PITPNC1: variants seen among roughly 807,000 people sequenced by gnomAD.
PITPNC1 encodes cytoplasmic phosphatidylinositol transfer protein 1.
PITPNC1 carries 18 observed loss-of-function variants against 44.7 expected under a neutral mutation model. The ratio of observed to expected loss-of-function variants is 0.40; its 90% CI spans 0.28 to 0.60. The LOEUF is 0.60. Among genes scored for constraint, PITPNC1 ranks in the 20% least tolerant of loss-of-function variants. The pLI, the probability that PITPNC1 is intolerant of heterozygous loss-of-function variation, is 0.39. For missense variants in PITPNC1, 290 were observed against 418.4 expected, an observed-to-expected ratio of 0.69 and a Z score of 2.68; for synonymous variants, 141 against 149.6, an observed-to-expected ratio of 0.94 and a Z score of 0.42.
intron 2 of PITPNC1, among the ~76,000 whole-genome samples, chr17:67,543,604 A>C (rs1341615502): frequency 6.6e-6 from 1 of 152,028 alleles, no homozygotes; most frequent in East Asian, 1.9e-4. Flanking sequence ...GGCCATTTGT[A>C]TATCTTCTTT....
At chr17:67,467,865 A>G (rs966595092) in intron 1 of PITPNC1, among the ~76,000 whole-genome samples, 2 of 152,246 alleles carry the variant, frequency 1.3e-5, no homozygotes, top group South Asian at 2.1e-4. Context: ...AGAAACTGAC[A>G]TGGTCCCTAA....
chr17:67,500,954 T>A (rs1202713981), intron 1 of PITPNC1, among the ~76,000 whole-genome samples: 1 of 152,006 alleles, frequency 6.6e-6, no homozygotes, highest in Non-Finnish European at 1.5e-5. Flanking sequence ...CCTCCCAAAG[T>A]GCTGGAATTA....
At chr17:67,389,963 G>GC (rs1463382822) in intron 1 of PITPNC1, among the ~76,000 whole-genome samples, 1 of 152,078 alleles carries the variant, frequency 6.6e-6, no homozygotes, top group Non-Finnish European at 1.5e-5. Flanking sequence ...ACAGACGCGA[G>GC]CCACCGTGCC....
chr17:67,686,539 G>A (rs1190188994), intron 8 of PITPNC1, among the ~76,000 whole-genome samples: 1 of 152,076 alleles, frequency 6.6e-6, no homozygotes, highest in Non-Finnish European at 1.5e-5. Flanking sequence ...ATTTACATCT[G>A]TGTGCAAGTT....
At chr17:67,621,641 A>G (rs2041831653) in intron 5 of PITPNC1, among the ~76,000 whole-genome samples, 1 of 152,206 alleles carries the variant, frequency 6.6e-6, no homozygotes, top group African/African-American at 2.4e-5. Context: ...ACATTTTTCC[A>G]AGGCACAGTG....
At chr17:67,524,602 T>G (rs1349929642) in intron 1 of PITPNC1, 1 of 151,908 alleles carries the variant, frequency 6.6e-6, no homozygotes, top group Admixed American at 6.6e-5. Context: ...CCAAATCTAG[T>G]GTGCATTTTA....
In PITPNC1 at chr17:67,692,845, G is replaced by C. The variant is rs1231064383; in HGVS notation, c.956G>C (p.Gly319Ala). The change falls in exon 9 of 9, where the codon GGC (glycine) becomes GCC (alanine). Residue 319 changes from glycine to alanine, a missense_variant. Transcript: ENST00000581322. ...AAAAAAGCCACCCTGAATTTACCCG[G>C]CATGCACTCTTCAGATAAGCCATGT... ...PEKKATLNLP[G>A]MHSSDKPCRP... The C allele has an allele frequency of 1.9e-6, 3 of 1,613,380 alleles. No individual in the cohort carries two copies. The highest frequency in any genetic ancestry group is 2.5e-6 in the Non-Finnish European group (3 of 1,179,488).
intron 8 of PITPNC1, among the ~76,000 whole-genome samples, chr17:67,692,261 G>A (rs1180677797): frequency 2.0e-5 from 3 of 151,992 alleles, no homozygotes; most frequent in African/African-American, 7.3e-5. Flanking sequence ...ACACACACAG[G>A]CACATATTTC....
chr17:67,510,800 G>A (rs2040175519), intron 1 of PITPNC1, among the ~76,000 whole-genome samples: 2 of 151,860 alleles, frequency 1.3e-5, no homozygotes, highest in Admixed American at 1.3e-4. Context: ...CTCTGTTACC[G>A]CCCTTGTGGA....
chr17:67,386,561 GTA>G (rs2038057197), intron 1 of PITPNC1, among the ~76,000 whole-genome samples: 1 of 152,128 alleles, frequency 6.6e-6, no homozygotes, highest in Admixed American at 6.5e-5. Flanking sequence ...GGATGTGTAG[GTA>G]TGAGATGGGG....
intron 1 of PITPNC1, among the ~76,000 whole-genome samples, chr17:67,497,317 C>A (rs1243210218): frequency 6.6e-6 from 1 of 151,532 alleles, no homozygotes. Flanking sequence ...ATTCCCCAGC[C>A]TCAGCCTCCC....
intron 1 of PITPNC1, among the ~76,000 whole-genome samples, chr17:67,416,334 A>G (rs1359810465): frequency 6.7e-6 from 1 of 148,294 alleles, no homozygotes; most frequent in Non-Finnish European, 1.5e-5. Flanking sequence ...TCCTGCTTCA[A>G]CCTCCTGAGT....
intron 1 of PITPNC1, among the ~76,000 whole-genome samples, chr17:67,393,526 A>G (rs953128644): frequency 6.6e-6 from 1 of 152,168 alleles, no homozygotes; most frequent in African/African-American, 2.4e-5. Context: ...CCCTCTGTCA[A>G]AGGAAGAAAA....
At chr17:67,567,680 G>T (rs1310011530) in intron 4 of PITPNC1, among the ~76,000 whole-genome samples, 1 of 151,298 alleles carries the variant, frequency 6.6e-6, no homozygotes, top group Non-Finnish European at 1.5e-5. Context: ...ACACTCAAGA[G>T]AAATGAAAAC....
intron 4 of PITPNC1, among the ~76,000 whole-genome samples, chr17:67,571,607 G>A (rs2041058983): frequency 6.6e-6 from 1 of 152,184 alleles, no homozygotes; most frequent in African/African-American, 2.4e-5. Flanking sequence ...CCTCTTCCAC[G>A]CTCACTGGTG....
Position 67,570,864 on chromosome 17 carries a change from C to T in PITPNC1, c.295-7322C>T, listed in dbSNP as rs1342363920. On this transcript the variant is annotated intron_variant, in intron 4 of 8. Transcript: ENST00000581322. The stretch of plus-strand genomic sequence containing the variant: ...GCTGCATCTGGACACCAGATAATGA[C>T]AAGCTTGCTGACATCAGTTACTAGT... Among the ~76,000 whole-genome samples, 3 of 151,712 alleles carry T rather than the reference C, an allele frequency of 2.0e-5. No homozygotes were observed. The South Asian group carries it at 6.2e-4, about 31-fold the overall frequency.
chr17:67,581,266 C>A (rs182009046), intron 5 of PITPNC1, among the ~76,000 whole-genome samples: 1 of 152,364 alleles, frequency 6.6e-6, no homozygotes, highest in East Asian at 1.9e-4. Flanking sequence ...CAATCAGGAT[C>A]CAGGCCCATG....
At chr17:67,510,822 G>A (rs1011214479) in intron 1 of PITPNC1, among the ~76,000 whole-genome samples, 2 of 151,884 alleles carry the variant, frequency 1.3e-5, no homozygotes, top group African/African-American at 2.4e-5. Flanking sequence ...AAAGACTCCC[G>A]GGTCCCATCC....
At chr17:67,454,110 G>A (rs1326415056) in intron 1 of PITPNC1, among the ~76,000 whole-genome samples, 1 of 152,120 alleles carries the variant, frequency 6.6e-6, no homozygotes, top group African/African-American at 2.4e-5. Context: ...AATTACCTGG[G>A]CCTGGTGGCG....
Sources: gnomAD v4.1 joint callset for allele counts (sites outside exome capture counted in the v4.1 genomes callset) on GRCh38, gnomAD v4.1.1 for gene constraint, MANE v1.5 for transcripts, NCBI Gene and HGNC (gene_info 2026-07-23, HGNC 2026-07-21) for gene names.